ZNF675: variants seen among roughly 807,000 people sequenced by gnomAD.
ZNF675 encodes zinc finger protein 675.
In ZNF675, 36 loss-of-function variants were observed where a neutral mutation model predicts 56.1. The observed-to-expected ratio is 0.64, with a 90% CI of 0.49 to 0.85. ZNF675 has a LOEUF of 0.85. Ranked by LOEUF, ZNF675 falls within the 40% of genes least tolerant of loss-of-function variation. The pLI, the probability that ZNF675 is intolerant of heterozygous loss-of-function variation, is 0.00. For missense variants in ZNF675, 663 were observed against 654.2 expected, an observed-to-expected ratio of 1.01 and a Z score of -0.15; for synonymous variants, 200 against 218.9, an observed-to-expected ratio of 0.91 and a Z score of 0.76.
Position 23,653,071 on chromosome 19 carries a change from C to G in ZNF675, c.*155G>C. 1 of 727,334 alleles carries G rather than the reference C, an allele frequency of 1.4e-6. No individual in the cohort carries two copies. Among genetic ancestry groups the G allele is most frequent in the African/African-American group, 1.8e-5 (1 of 56,480 alleles). The allele number at this position is 727,334 out of a possible 1,614,324, so 45.1% of individuals were successfully genotyped here. ...TAATTAACAGTATTGCCAAATTCTTCACACTTGTAGTTTTCTCCAGTATGA... is the reference window on the plus strand; with the variant it reads ...TAATTAACAGTATTGCCAAATTCTTGACACTTGTAGTTTTCTCCAGTATGA... On this transcript the variant is annotated 3_prime_UTR_variant, in exon 4 of 4. Transcript: ENST00000359788.
At chr19:23,684,852 G>A (rs916626093) in intron 1 of ZNF675, among the ~76,000 whole-genome samples, 8 of 152,008 alleles carry the variant, frequency 5.3e-5, no homozygotes, top group African/African-American at 1.9e-4. Context: ...CTTTTGAAAT[G>A]CTATTTTTTC....
chr19:23,663,203 G>C (rs1267914072), intron 1 of ZNF675, 45 bp from the exon 2 acceptor site: 2 of 1,573,000 alleles, frequency 1.3e-6, no homozygotes, highest in African/African-American at 2.8e-5. Flanking sequence ...GTAGCCAACA[G>C]AGATTATAAT....
chr19:23,686,921 T>A, intron 1 of ZNF675, 110 bp downstream of exon 1: 1 of 1,335,194 alleles, frequency 7.5e-7, no homozygotes, highest in Non-Finnish European at 1.1e-6. Context: ...GAACTCGGGG[T>A]GCAGATTGTG....
At chr19:23,675,000 CT>C (rs1968278411) in intron 1 of ZNF675, among the ~76,000 whole-genome samples, 1 of 150,412 alleles carries the variant, frequency 6.6e-6, no homozygotes, top group African/African-American at 2.5e-5. Flanking sequence ...GAGAGAGAGC[CT>C]TTTATTTCTA....
intron 2 of ZNF675, 73 bp downstream of exon 2, chr19:23,662,959 G>C (rs1968099380): frequency 2.9e-6 from 4 of 1,395,970 alleles, no homozygotes; most frequent in African/African-American, 1.5e-5. Context: ...ACTCTAGCCT[G>C]GTGACAGAGC....
At chr19:23,679,663 T>C (rs1968349316) in intron 1 of ZNF675, among the ~76,000 whole-genome samples, 1 of 28,470 alleles carries the variant, frequency 3.5e-5, no homozygotes, top group Non-Finnish European at 6.3e-5. Flanking sequence ...TTAAATAAGT[T>C]TACAAGAAAA....
chr19:23,683,505 T>A (rs1168057848), intron 1 of ZNF675, among the ~76,000 whole-genome samples: 1 of 152,092 alleles, frequency 6.6e-6, no homozygotes, highest in East Asian at 1.9e-4. Context: ...CACTGCAACC[T>A]CCACCTCCTG....
chr19:23,660,409 G>A (rs1876006187), intron 3 of ZNF675, among the ~76,000 whole-genome samples: 1 of 152,144 alleles, frequency 6.6e-6, no homozygotes. Context: ...ATGAAAAAGA[G>A]CAATTGAAAT....
At position 23,653,215 on chromosome 19, in the gene ZNF675, C is replaced by A; in HGVS notation, c.*11G>T. On this transcript the variant is annotated 3_prime_UTR_variant, in exon 4 of 4. Coordinates refer to ENST00000359788, the MANE Select transcript of ZNF675 (RefSeq NM_138330.3). ...TATTTAGAAAAATTTGAGGTGTTGT[C>A]AAAATCATTATCACACATTCCAGTT... The A allele has an allele frequency of 6.5e-7, 1 of 1,550,162 alleles. No individual in the cohort carries two copies. Among genetic ancestry groups the A allele is most frequent in the South Asian group, 1.2e-5 (1 of 80,110 alleles).
At chr19:23,668,880 C>T (rs540592739) in intron 1 of ZNF675, among the ~76,000 whole-genome samples, 4 of 152,196 alleles carry the variant, frequency 2.6e-5, no homozygotes, top group Non-Finnish European at 4.4e-5. Flanking sequence ...AAGCACCGCA[C>T]GCAGCCCCGG....
In ZNF675 at chr19:23,669,654, A is replaced by G. The variant is rs116767652; in HGVS notation, c.4-6496T>C. ...TTTGAGATGCTGAGGCGGACAGATCATAAGGTCAGGAGTTCGAGACCTGCC... is the reference window on the plus strand; with the variant it reads ...TTTGAGATGCTGAGGCGGACAGATCGTAAGGTCAGGAGTTCGAGACCTGCC... On this transcript the variant is annotated intron_variant, in intron 1 of 3. Coordinates refer to ENST00000359788, the MANE Select transcript of ZNF675 (RefSeq NM_138330.3). 8.6e-3 allele frequency among the ~76,000 whole-genome samples: 1,316 copies of G among 152,208 alleles called. 19 individuals are homozygous for G. The highest frequency in any genetic ancestry group is 0.03 in the African/African-American group (1,236 of 41,524).
intron 1 of ZNF675, among the ~76,000 whole-genome samples, chr19:23,683,606 G>A (rs1968405540): frequency 6.6e-6 from 1 of 152,068 alleles, no homozygotes; most frequent in African/African-American, 2.4e-5. Flanking sequence ...ATTTTTAGTA[G>A]AGATGAGGTT....
In ZNF675 at chr19:23,653,360, C is replaced by CAGTAAGTTT. The variant is rs1355157155; in HGVS notation, c.1564_1572dup (p.Lys522_Thr524dup). 2 of 1,613,372 alleles carry CAGTAAGTTT rather than the reference C, an allele frequency of 1.2e-6. No individual in the cohort carries two copies. Among genetic ancestry groups the CAGTAAGTTT allele is most frequent in the Non-Finnish European group, 1.7e-6 (2 of 1,179,922 alleles). On this transcript the variant is annotated inframe_insertion, in exon 4 of 4. Coordinates refer to ENST00000359788, the MANE Select transcript of ZNF675 (RefSeq NM_138330.3). ...TCTCCAGTATGAATTATCTTATGTT[C>CAGTAAGTTT]AGTAAGTTTTGAGGATCGGCTAAAA...
intron 1 of ZNF675, among the ~76,000 whole-genome samples, chr19:23,677,124 C>T (rs1043073997): frequency 6.7e-6 from 1 of 150,188 alleles, no homozygotes; most frequent in Non-Finnish European, 1.5e-5. Context: ...AAAACTGGCA[C>T]AAGACAAGGG....
chr19:23,672,654 ACAAT>A (rs1333507558), intron 1 of ZNF675, among the ~76,000 whole-genome samples: 11 of 152,220 alleles, frequency 7.2e-5, no homozygotes, highest in African/African-American at 2.2e-4. Flanking sequence ...AAAGTGGAGT[ACAAT>A]CAAAGGAGAG....
intron 1 of ZNF675, among the ~76,000 whole-genome samples, chr19:23,682,035 C>T (rs1968383541): frequency 6.6e-6 from 1 of 151,528 alleles, no homozygotes; most frequent in Non-Finnish European, 1.5e-5. Flanking sequence ...TCTTTTCTCA[C>T]CTGTTGTAGA....
chr19:23,671,401 G>A (rs1041876499), intron 1 of ZNF675, among the ~76,000 whole-genome samples: 6 of 152,276 alleles, frequency 3.9e-5, no homozygotes, highest in Admixed American at 3.3e-4. Context: ...TGCCCGAAGA[G>A]CATCTAAGGA....
chr19:23,664,543 A>G (rs1968123907), intron 1 of ZNF675, among the ~76,000 whole-genome samples: 1 of 152,196 alleles, frequency 6.6e-6, no homozygotes, highest in Non-Finnish European at 1.5e-5. Flanking sequence ...TACCAAACCA[A>G]ACAGAACCAG....
At chr19:23,667,343 C>G (rs1239444612) in intron 1 of ZNF675, among the ~76,000 whole-genome samples, 4 of 152,098 alleles carry the variant, frequency 2.6e-5, no homozygotes, top group African/African-American at 9.7e-5. Flanking sequence ...AACAAAGCTT[C>G]CACACTGTGG....
Sources: gnomAD v4.1 joint callset for allele counts (sites outside exome capture counted in the v4.1 genomes callset) on GRCh38, gnomAD v4.1.1 for gene constraint, MANE v1.5 for transcripts, NCBI Gene and HGNC (gene_info 2026-07-23, HGNC 2026-07-21) for gene names.